Variants in MID1 observed in about 807,000 individuals in gnomAD.
MID1 encodes the protein E3 ubiquitin-protein ligase Midline-1.
Under a neutral mutation model 40.4 loss-of-function variants are expected in MID1, and 7 were observed. The observed-to-expected ratio is 0.17, with a 90% CI of 0.10 to 0.33. The LOEUF (loss-of-function observed/expected upper bound fraction) is 0.33, where lower values mean the gene tolerates loss of function less well. Among genes scored for constraint, MID1 ranks in the 10% least tolerant of loss-of-function variants. MID1 has a pLI of 1.00. For missense variants in MID1, 367 were observed against 558.5 expected (o/e 0.66, Z 3.46); for synonymous variants, 229 against 221.2 (o/e 1.04, Z -0.31).
At chrX:10,588,970 T>C (rs1206249252) in intron 1 of MID1, among the ~76,000 whole-genome samples, 1 of 111,655 alleles carries the variant, frequency 9.0e-6, no homozygotes. Flanking sequence ...AAATCCTTTC[T>C]TGAAATTTTT....
At chrX:10,647,914 A>G (rs992271508) in intron 1 of MID1, among the ~76,000 whole-genome samples, 1 of 112,120 alleles carries the variant, frequency 8.9e-6, no homozygotes, top group African/African-American at 3.2e-5. Flanking sequence ...CTTTCATCTT[A>G]TACACATCAC....
intron 1 of MID1, among the ~76,000 whole-genome samples, chrX:10,785,529 A>G (rs1197493527): frequency 9.0e-6 from 1 of 111,683 alleles, no homozygotes; most frequent in Admixed American, 9.5e-5. Context: ...AGCCAAAAGA[A>G]CAAAGCTGGA....
Position 10,641,919 on chromosome X carries a change from A to G in MID1, c.-186-21500T>C, listed in dbSNP as rs201106221. On this transcript the variant is annotated intron_variant, in intron 1 of 10. Coordinates refer to the MID1 transcript ENST00000380785. ...AAACAGAACCAAAGACAAAAACCAC[A>G]TGATTATCTCAATAGATGCAGAAAA... 4.5e-5 allele frequency among the ~76,000 whole-genome samples: 5 copies of G among 112,151 alleles called. No homozygotes were observed. The East Asian group carries it at 1.4e-3, about 32-fold the overall frequency.
chrX:10,533,950 C>A (rs917346494), intron 2 of MID1, among the ~76,000 whole-genome samples: 5 of 111,061 alleles, frequency 4.5e-5, no homozygotes, highest in African/African-American at 1.6e-4. Flanking sequence ...TAAGTGCCGA[C>A]TGGATAAGGA....
At chrX:10,468,172 A>G (rs920555572) in intron 7 of MID1, among the ~76,000 whole-genome samples, 4 of 112,174 alleles carry the variant, frequency 3.6e-5, no homozygotes, top group Admixed American at 1.9e-4. Flanking sequence ...GTAAATGGCA[A>G]GATTTTAATA....
intron 1 of MID1, among the ~76,000 whole-genome samples, chrX:10,671,977 C>G (rs2042989490): frequency 8.9e-6 from 1 of 111,877 alleles, no homozygotes; most frequent in Admixed American, 9.5e-5. Flanking sequence ...ATAACCCTAG[C>G]ACTTTGGGAG....
intron 8 of MID1, among the ~76,000 whole-genome samples, chrX:10,455,871 T>TAAGTA (rs1274367136): frequency 8.9e-6 from 1 of 112,075 alleles, no homozygotes; most frequent in Admixed American, 9.4e-5. Flanking sequence ...CTTAAAGATT[T>TAAGTA]AAGTATTAAA....
At chrX:10,574,465 T>C (rs1242745078) in intron 1 of MID1, among the ~76,000 whole-genome samples, 1 of 112,222 alleles carries the variant, frequency 8.9e-6, no homozygotes, top group Non-Finnish European at 1.9e-5. Flanking sequence ...TGAATTTGCA[T>C]TGTTTAACAC....
At chrX:10,545,393 T>G (rs149025378) in intron 2 of MID1, among the ~76,000 whole-genome samples, 152 of 112,430 alleles carry the variant, frequency 1.4e-3, no homozygotes, top group African/African-American at 4.7e-3. Context: ...CGGCCTTTCT[T>G]TCGTTAAGTG....
chrX:10,641,110 G>A (rs1179545917), intron 1 of MID1, among the ~76,000 whole-genome samples: 2 of 111,455 alleles, frequency 1.8e-5, no homozygotes, highest in Non-Finnish European at 3.8e-5. Flanking sequence ...AAGAACTAGA[G>A]AAGCAAGAGC....
At chrX:10,538,255 G>A (rs1241468545) in intron 2 of MID1, among the ~76,000 whole-genome samples, 1 of 111,715 alleles carries the variant, frequency 9.0e-6, no homozygotes, top group Admixed American at 9.5e-5. Flanking sequence ...TTACAGGCAT[G>A]AGCCACCATG....
chrX:10,790,426 G>A (rs73491029), intron 1 of MID1, among the ~76,000 whole-genome samples: 5,910 of 110,299 alleles, frequency 0.054, 408 homozygotes, highest in African/African-American at 0.19. Flanking sequence ...ATCCCCATGT[G>A]TCAGTGTGAC....
At chrX:10,596,316 G>A (rs1372553741) in intron 1 of MID1, among the ~76,000 whole-genome samples, 4 of 111,257 alleles carry the variant, frequency 3.6e-5, no homozygotes, top group Non-Finnish European at 7.6e-5. Context: ...ACCGATACCC[G>A]CCCAAGTACT....
intron 1 of MID1, among the ~76,000 whole-genome samples, chrX:10,638,950 T>C (rs1936154682): frequency 8.9e-6 from 1 of 112,524 alleles, no homozygotes; most frequent in Non-Finnish European, 1.9e-5. Context: ...GAGTCATGAC[T>C]GTTAGAAGGA....
At chrX:10,589,362 C>G (rs1316615030) in intron 1 of MID1, among the ~76,000 whole-genome samples, 1 of 111,085 alleles carries the variant, frequency 9.0e-6, no homozygotes, top group African/African-American at 3.3e-5. Flanking sequence ...GCAATTCAAA[C>G]CAAGTCAAAA....
chrX:10,818,558 T>A (rs1336529579), intron 1 of MID1, among the ~76,000 whole-genome samples: 1 of 112,203 alleles, frequency 8.9e-6, no homozygotes, highest in Admixed American at 9.4e-5. Context: ...TCTAAACAAC[T>A]TTGAGTGATT....
intron 2 of MID1, among the ~76,000 whole-genome samples, chrX:10,531,315 C>A (rs1026876529): frequency 1.8e-5 from 2 of 112,227 alleles, no homozygotes; most frequent in African/African-American, 6.5e-5. Flanking sequence ...GAGGCTGAGA[C>A]TATCTTCAGG....
chrX:10,592,518 T>C (rs1195879191), intron 1 of MID1, among the ~76,000 whole-genome samples: 1 of 109,403 alleles, frequency 9.1e-6, no homozygotes, highest in Admixed American at 9.8e-5. Flanking sequence ...GGGGAAAAAA[T>C]GAAAAATGTG....
intron 1 of MID1, among the ~76,000 whole-genome samples, chrX:10,830,807 C>T (rs935392095): frequency 6.2e-5 from 7 of 112,072 alleles, no homozygotes; most frequent in African/African-American, 2.3e-4. Flanking sequence ...GAATAGCACA[C>T]ACACATACAC....
Sources: allele counts gnomAD v4.1 joint callset (sites outside exome capture counted in the v4.1 genomes callset), GRCh38; gene constraint gnomAD v4.1.1; transcripts MANE v1.5; gene names NCBI Gene and HGNC (gene_info 2026-07-23, HGNC 2026-07-21).